CEP43: variants seen among roughly 807,000 people sequenced by gnomAD.
CEP43 encodes the protein centrosomal protein 43.
CEP43 carries 36 observed loss-of-function variants against 52.6 expected under a neutral mutation model. That is an observed-to-expected ratio of 0.68 (90% CI 0.52 to 0.90). The LOEUF is 0.90. Ranked by LOEUF, CEP43 falls within the 40% of genes least tolerant of loss-of-function variation. The pLI is 0.00. For missense variants in CEP43, 506 were observed against 472.8 expected, an observed-to-expected ratio of 1.07 and a Z score of -0.65; for synonymous variants, 192 against 172.4, an observed-to-expected ratio of 1.11 and a Z score of -0.89.
chr6:167,040,610 AG>A lies in CEP43; in HGVS notation c.*633del. On this transcript the variant is annotated 3_prime_UTR_variant, in exon 13 of 13. Transcript: ENST00000366847. Reference sequence around the variant, plus strand: ...TTTGCTTGTTTTAAAGAAATCTAGAAGTGGTTATGAGTTTTAATTCATAGAA... The same window carrying A: ...TTTGCTTGTTTTAAAGAAATCTAGAATGGTTATGAGTTTTAATTCATAGAA... The A allele has an allele frequency of 1.9e-6, 2 of 1,038,368 alleles. No individual in the cohort carries two copies. Among genetic ancestry groups the A allele is most frequent in the South Asian group, 8.8e-5 (2 of 22,836 alleles). The allele number at this position is 1,038,368 out of a possible 1,614,324, so 64.3% of individuals were successfully genotyped here.
At position 167,042,063 on chromosome 6, in the gene CEP43, T is replaced by A; in HGVS notation, c.*2085T>A. 1 of 834,600 alleles carries A rather than the reference T, an allele frequency of 1.2e-6. No homozygotes were observed. Among genetic ancestry groups the A allele is most frequent in the Non-Finnish European group, 1.5e-6 (1 of 686,256 alleles). 51.7% of individuals were successfully genotyped at this position (834,600 alleles called of 1,614,324 possible). On this transcript the variant is annotated 3_prime_UTR_variant, in exon 13 of 13. Coordinates refer to ENST00000366847, the MANE Select transcript of CEP43 (RefSeq NM_007045.4). ...GGTCTTGAACTCCTGACCTCGTTCCTGCCTTAGCCTCCTAAAGTGCCGGGA... is the reference window on the plus strand; with the variant it reads ...GGTCTTGAACTCCTGACCTCGTTCCAGCCTTAGCCTCCTAAAGTGCCGGGA...
At chr6:166,999,688 G>A in intron 1 of CEP43, 174 bp downstream of exon 1, 1 of 483,752 alleles carries the variant, frequency 2.1e-6, no homozygotes, top group Non-Finnish European at 3.5e-6. Flanking sequence ...GAGGGGGTCG[G>A]CTCGTTCGTT....
Position 167,050,804 on chromosome 6 carries a change from A to AAG in CEP43, c.*10826_*10827insAG, listed in dbSNP as rs1562539565. 1 of 143,224 alleles carries AAG rather than the reference A, an allele frequency of 7.0e-6. No homozygotes were observed. Among genetic ancestry groups the AAG allele is most frequent in the African/African-American group, 2.6e-5 (1 of 39,164 alleles). The allele number at this position is 143,224 out of a possible 1,614,324, so 8.9% of individuals were successfully genotyped here. ...AAGAAAAAAAAAAAAAAAAAAAAAA[A>AAG]GAAAGAAAATGAGACATTGGATTTG... On this transcript the variant is annotated 3_prime_UTR_variant, in exon 13 of 13. Coordinates refer to ENST00000366847, the MANE Select transcript of CEP43 (RefSeq NM_007045.4).
intron 2 of CEP43, among the ~76,000 whole-genome samples, chr6:167,002,346 G>T (rs1779755889): frequency 6.6e-6 from 1 of 151,866 alleles, no homozygotes; most frequent in Admixed American, 6.6e-5. Flanking sequence ...TTAATACATT[G>T]TACAGATATG....
chr6:167,030,183 C>A (rs1255498522), intron 10 of CEP43, among the ~76,000 whole-genome samples: 1 of 152,192 alleles, frequency 6.6e-6, no homozygotes, highest in Non-Finnish European at 1.5e-5. Context: ...ACAAATGCTG[C>A]CAGGTGGGGA....
rs1433771019 is a variant in CEP43 at position 167,049,536 on chromosome 6, G to C, written c.*9558G>C. The C allele has an allele frequency of 6.6e-6, 1 of 152,174 alleles. No individual in the cohort carries two copies. The highest frequency in any genetic ancestry group is 6.5e-5 in the Admixed American group (1 of 15,268). 9.4% of individuals were successfully genotyped at this position (152,174 alleles called of 1,614,324 possible). A position where few individuals can be genotyped will look rare whatever the true frequency, so the allele number is the denominator to read the frequency against. On this transcript the variant is annotated 3_prime_UTR_variant, in exon 13 of 13. Transcript: ENST00000366847. ...AAGAGTCATCTGTGTTGTAGCATTT[G>C]TCAGTACTTCATTTATTTTTGTTTC...
chr6:167,002,528 CTT>C (rs1181793331), intron 2 of CEP43, among the ~76,000 whole-genome samples: 4 of 152,146 alleles, frequency 2.6e-5, no homozygotes, highest in Middle Eastern at 3.2e-3. Context: ...ATATTTGTGA[CTT>C]TTAAGAAACA....
intron 12 of CEP43, chr6:167,036,342 A>G: frequency 1.0e-6 from 1 of 985,418 alleles, no homozygotes. Context: ...TGCTGTGTGA[A>G]GAGACAGAAT....
chr6:167,006,066 T>C (rs1295420816), intron 5 of CEP43, among the ~76,000 whole-genome samples: 1 of 152,214 alleles, frequency 6.6e-6, no homozygotes, highest in African/African-American at 2.4e-5. Flanking sequence ...CCAGGTTCCT[T>C]ATCTGCAACA....
intron 10 of CEP43, among the ~76,000 whole-genome samples, chr6:167,030,857 C>G (rs1780453406): frequency 8.3e-6 from 1 of 121,156 alleles, no homozygotes; most frequent in Non-Finnish European, 1.9e-5. Context: ...TCCCCCACCC[C>G]ACCCCATCCC....
intron 9 of CEP43, 37 bp downstream of exon 9, chr6:167,024,931 T>G: frequency 8.7e-7 from 1 of 1,152,628 alleles, no homozygotes; most frequent in East Asian, 2.4e-5. Context: ...ATACTCGGGA[T>G]ATTTTTTCTC....
intron 5 of CEP43, among the ~76,000 whole-genome samples, chr6:167,007,580 CATT>C (rs1779884028): frequency 6.6e-6 from 1 of 151,804 alleles, no homozygotes; most frequent in South Asian, 2.1e-4. Context: ...TTTGGCCCTT[CATT>C]ATTTATTAGT....
rs749984040 is a variant in CEP43, at chr6:167,038,751, A to G, written c.1126-1153A>G. Reference sequence around the variant, plus strand: ...CACAGCTTTAAATATGAGTTGGTTTATGAAGTATAAAGTAATACTTTACAG... The same window carrying G: ...CACAGCTTTAAATATGAGTTGGTTTGTGAAGTATAAAGTAATACTTTACAG... On this transcript the variant is annotated intron_variant, in intron 12 of 12. Coordinates refer to ENST00000366847, the MANE Select transcript of CEP43 (RefSeq NM_007045.4). Among the ~76,000 whole-genome samples, 4 of 152,200 alleles carry G rather than the reference A, an allele frequency of 2.6e-5. No homozygotes were observed. In the South Asian group the frequency reaches 6.2e-4, roughly 24 times the overall value.
chr6:167,033,991 C>A lies in CEP43; in HGVS notation c.1125+20C>A. ...GATAAGGTATGGTGTTCTGCATTTC[C>A]CATAGAGTGCTTTTTTTTTTTAACC... On this transcript the variant is annotated intron_variant, in intron 12 of 12. Coordinates refer to ENST00000366847, the MANE Select transcript of CEP43 (RefSeq NM_007045.4). 1.7e-6 allele frequency: 2 copies of A among 1,197,150 alleles called. No individual in the cohort carries two copies. Among genetic ancestry groups the A allele is most frequent in the South Asian group, 1.4e-5 (1 of 69,006 alleles). The allele number at this position is 1,197,150 out of a possible 1,614,324, so 74.2% of individuals were successfully genotyped here.
chr6:167,032,773 G>C, intron 11 of CEP43, 131 bp downstream of exon 11: 1 of 802,950 alleles, frequency 1.2e-6, no homozygotes, highest in South Asian at 3.6e-5. Context: ...ATTGATTGAA[G>C]ATGAAGAAAA....
chr6:167,034,742 C>G (rs1780548644), intron 12 of CEP43, among the ~76,000 whole-genome samples: 1 of 152,184 alleles, frequency 6.6e-6, no homozygotes, highest in South Asian at 2.1e-4. Flanking sequence ...CATTCTTATT[C>G]TTTCATATAT....
At position 167,003,234 on chromosome 6, in the gene CEP43, A is replaced by G; in HGVS notation, c.198A>G (p.Leu66=). ...TTAATGAGAGCCTGAAAAAGTTTTT[A>G]AATACCAAAGACGGTAAGATGTTCA... is the stretch of plus-strand genomic sequence containing the variant. The part of the protein sequence containing the change: ...PLVNESLKKF[L]NTKDGRLVAS... Residue 66 remains leucine (L), a synonymous_variant, in exon 3 of 13, where the codon TTA becomes TTG. Coordinates refer to ENST00000366847, the MANE Select transcript of CEP43 (RefSeq NM_007045.4). 6.6e-7 allele frequency: 1 copy of G among 1,505,152 alleles called. No homozygotes were observed. 93.2% of individuals were successfully genotyped at this position (1,505,152 alleles called of 1,614,324 possible). A position where few individuals can be genotyped will look rare whatever the true frequency, so the allele number is the denominator to read the frequency against.
intron 10 of CEP43, 62 bp from the exon 11 acceptor site, chr6:167,032,541 T>C: frequency 1.4e-6 from 2 of 1,448,346 alleles, no homozygotes; most frequent in East Asian, 4.7e-5. Flanking sequence ...GAAATGTGTG[T>C]TTAATGGTAG....
At chr6:167,035,282 CCTT>C (rs1780559515) in intron 12 of CEP43, among the ~76,000 whole-genome samples, 1 of 152,160 alleles carries the variant, frequency 6.6e-6, no homozygotes. Context: ...TTTTCTAAAG[CCTT>C]CTGTGTAGAG....
Sources: allele counts gnomAD v4.1 joint callset (sites outside exome capture counted in the v4.1 genomes callset), GRCh38; gene constraint gnomAD v4.1.1; transcripts MANE v1.5; gene names NCBI Gene and HGNC (gene_info 2026-07-23, HGNC 2026-07-21).